DNHD1: variants seen among roughly 807,000 people sequenced by gnomAD.
DNHD1 encodes the protein dynein heavy chain domain 1.
DNHD1 carries 383 observed loss-of-function variants against 458.1 expected under a neutral mutation model. The ratio of observed to expected loss-of-function variants is 0.84; its 90% CI spans 0.77 to 0.91. The LOEUF is 0.91. DNHD1 is among the 40% of genes least tolerant of loss of function. The pLI, the probability that DNHD1 is intolerant of heterozygous loss-of-function variation, is 0.00. For synonymous variants in DNHD1, 2,203 were observed against 2,376.9 expected, an observed-to-expected ratio of 0.93 and a Z score of 2.13; for missense variants, 5,336 against 5,866.1, an observed-to-expected ratio of 0.91 and a Z score of 2.95.
chr11:6,543,981 AAAAAGG>A, intron 18 of DNHD1, 134 bp from the exon 19 acceptor site: 3 of 741,510 alleles, frequency 4.0e-6, no homozygotes, highest in South Asian at 4.0e-5. Context: ...AAAAAAAAAA[AAAAAGG>A]GAAAGAAAAA....
At chr11:6,531,523 T>TAAACAAACAAAC (rs4036627) in intron 12 of DNHD1, among the ~76,000 whole-genome samples, 2 of 151,338 alleles carry the variant, frequency 1.3e-5, no homozygotes, top group African/African-American at 4.9e-5. Flanking sequence ...AGCAGCACCA[T>TAAACAAACAAAC]AAACAAACAA....
chr11:6,567,185 G>A lies in DNHD1; in HGVS notation c.11676G>A (p.Met3892Ile), dbSNP rs368195470. 5.6e-6 allele frequency: 9 copies of A among 1,614,050 alleles called. No individual in the cohort carries two copies. Among genetic ancestry groups the A allele is most frequent in the Non-Finnish European group, 7.6e-6 (9 of 1,179,896 alleles). ...LAVTKQALDSMKPREINHGED... is the reference protein window; with the variant it reads ...LAVTKQALDSIKPREINHGED... The stretch of plus-strand genomic sequence containing the variant: ...TCACTAAGCAGGCTCTGGACAGCAT[G>A]AAGCCACGTGAGATTAATCACGGGG... Residue 3892 changes from methionine (M) to isoleucine (I), a missense_variant, in exon 36 of 43, where the codon ATG (methionine) becomes ATA (isoleucine). Met to Ile is a conservative substitution (Grantham distance 10). This residue lies in a region of DNHD1 where 695 missense variants were observed against 804.2 expected (regional missense o/e 0.86). Coordinates refer to ENST00000254579, the MANE Select transcript of DNHD1 (RefSeq NM_144666.3).
At chr11:6,503,428 CAA>C (rs1852176121) in intron 4 of DNHD1, 1 of 152,394 alleles carries the variant, frequency 6.6e-6, no homozygotes, top group African/African-American at 2.4e-5. Flanking sequence ...CCCCATGACT[CAA>C]GAGACATTTA....
chr11:6,538,544 G>A lies in DNHD1; in HGVS notation c.3126+34G>A, dbSNP rs905470273. On this transcript the variant is annotated intron_variant, in intron 15 of 42. Coordinates refer to ENST00000254579, the MANE Select transcript of DNHD1 (RefSeq NM_144666.3). ...ACCCTTCCTTGGAGCTCTTGACTGG[G>A]AGTGGAGGACTACAGTGGTGGGGGA... 13 of 1,551,588 alleles carry A rather than the reference G, an allele frequency of 8.4e-6. No individual in the cohort carries two copies. In the African/African-American group the frequency reaches 1.6e-4, roughly 20 times the overall value.
At chr11:6,565,578 T>C (rs1589896990) in intron 32 of DNHD1, 117 bp from the exon 33 acceptor site, 1 of 1,153,714 alleles carries the variant, frequency 8.7e-7, no homozygotes, top group Non-Finnish European at 1.2e-6. Context: ...TAAGCAACTT[T>C]CCTAAGATGT....
intron 41 of DNHD1, 22 bp downstream of exon 41, chr11:6,570,418 G>A (rs1432851961): frequency 1.9e-6 from 3 of 1,595,332 alleles, no homozygotes; most frequent in East Asian, 2.3e-5. Context: ...TCAGGTATCT[G>A]TTTTGGGGTA....
chr11:6,533,505 G>C (rs1852875005), intron 13 of DNHD1, among the ~76,000 whole-genome samples, 176 bp from the exon 14 acceptor site: 1 of 152,198 alleles, frequency 6.6e-6, no homozygotes. Context: ...GTCAGAGAGA[G>C]ATTTGATCCC....
Position 6,556,942 on chromosome 11 carries a change from T to C in DNHD1, c.7647T>C (p.Arg2549=). The C allele has an allele frequency of 6.4e-7, 1 of 1,551,702 alleles. No individual in the cohort carries two copies. ...CTATCATTCAGGCTTGGCTTGAGCGTTTCCCTTCTGTGGAACGGGAGCGTG... is the reference window on the plus strand; with the variant it reads ...CTATCATTCAGGCTTGGCTTGAGCGCTTCCCTTCTGTGGAACGGGAGCGTG... The part of the protein sequence containing the change: ...HVPIIQAWLE[R]FPSVERERAL... The change falls in exon 25 of 43, where the codon CGT becomes CGC. Residue 2549 remains arginine, a synonymous_variant. Transcript: ENST00000254579.
Position 6,566,258 on chromosome 11 carries a change from A to G in DNHD1, c.11071A>G (p.Thr3691Ala). ...AAACGLPVLLTNVELGLGCEE... is the reference protein window; with the variant it reads ...AAACGLPVLLANVELGLGCEE... ...TCTCACAGGCCTGCCTGTGTTACTG[A>G]CCAATGTGGAGCTGGGTCTAGGGTG... The change falls in exon 34 of 43, where the codon ACC (threonine) becomes GCC (alanine). Residue 3691 changes from threonine (T) to alanine (A), a missense_variant. By Grantham distance (58) the Thr-to-Ala change is moderately conservative (BLOSUM62 0). Coordinates refer to ENST00000254579, the MANE Select transcript of DNHD1 (RefSeq NM_144666.3). 1 of 1,551,450 alleles carries G rather than the reference A, an allele frequency of 6.4e-7. No homozygotes were observed. Among genetic ancestry groups the G allele is most frequent in the South Asian group, 1.2e-5 (1 of 84,054 alleles).
In DNHD1 at chr11:6,546,408, G is replaced by A; in HGVS notation, c.5469G>A (p.Arg1823=). Reference sequence around the variant, plus strand: ...CTGCCAACCTGCACCTGCTGCTGCGGCCTGTGGCATTGGCATTGCCTGATC... The same window carrying A: ...CTGCCAACCTGCACCTGCTGCTGCGACCTGTGGCATTGGCATTGCCTGATC... ...AVPANLHLLL[R]PVALALPDLR... is the part of the protein sequence containing the mutation. The change falls in exon 21 of 43, where the codon CGG becomes CGA. Residue 1823 remains arginine (R), a synonymous_variant. Transcript: ENST00000254579. The A allele has an allele frequency of 3.2e-6, 5 of 1,552,002 alleles. No homozygotes were observed. Among genetic ancestry groups the A allele is most frequent in the East Asian group, 2.4e-5 (1 of 40,924 alleles).
At position 6,548,254 on chromosome 11, in the gene DNHD1, G is replaced by A. The variant is rs762434658; in HGVS notation, c.6950G>A (p.Arg2317His). 133 of 1,551,600 alleles carry A rather than the reference G, an allele frequency of 8.6e-5. 1 individual carries two copies. In the South Asian group the frequency reaches 1.2e-3, roughly 13 times the overall value. Residue 2317 changes from arginine (R) to histidine (H), a missense_variant, in exon 23 of 43, where the codon CGC becomes CAC. Around this residue, in one of 4 missense-constraint regions of DNHD1, gnomAD observed 3,932 missense variants for 4,365.6 expected, o/e 0.90. Transcript: ENST00000254579. The surrounding 1 kb of genome is among the most constrained non-coding windows in gnomAD (Gnocchi z 4.4). ...ACCTTCATAAGGGATTCTATTAGTC[G>A]CCTCTCCAACTACCCTGAGCCACCA... ...FDTFIRDSIS[R>H]LSNYPEPPPS...
chr11:6,517,339 C>G (rs1490370586), intron 7 of DNHD1, among the ~76,000 whole-genome samples: 1 of 152,172 alleles, frequency 6.6e-6, no homozygotes, highest in Non-Finnish European at 1.5e-5. Context: ...ATAGAACTGT[C>G]ATATGATCCA....
intron 7 of DNHD1, among the ~76,000 whole-genome samples, chr11:6,516,539 C>T (rs2723632): frequency 0.024 from 3,667 of 152,012 alleles, 140 homozygotes; most frequent in African/African-American, 0.083. Flanking sequence ...CTCACGTGAT[C>T]CGCCCACCTC....
chr11:6,552,229 GA>G (rs1290939639), intron 24 of DNHD1, among the ~76,000 whole-genome samples: 10 of 132,200 alleles, frequency 7.6e-5, no homozygotes, highest in East Asian at 6.2e-4. Flanking sequence ...AATTCATAAA[GA>G]AAAGAGGGTT....
intron 10 of DNHD1, among the ~76,000 whole-genome samples, chr11:6,527,708 A>T (rs1364151172): frequency 6.6e-6 from 1 of 152,230 alleles, no homozygotes; most frequent in Non-Finnish European, 1.5e-5. Context: ...TTTCCTAGAG[A>T]GTGAGTACAG....
Position 6,539,966 on chromosome 11 carries a change from A to G in DNHD1, c.3511A>G (p.Asn1171Asp). 6.4e-7 allele frequency: 1 copy of G among 1,551,706 alleles called. No individual in the cohort carries two copies. ...YWEARQLRLL[N>D]FILHVPYEPP... ...GGAAGCGCGCCAGCTGCGCCTGCTC[A>G]ACTTCATCCTGCATGTACCCTACGA... Residue 1171 changes from asparagine to aspartate, a missense_variant, in exon 18 of 43, where the codon AAC becomes GAC. Physicochemically the swap from Asn to Asp is conservative, Grantham distance 23. Coordinates refer to ENST00000254579, the MANE Select transcript of DNHD1 (RefSeq NM_144666.3).
At chr11:6,534,313 T>C in intron 14 of DNHD1, 140 bp downstream of exon 14, 1 of 899,872 alleles carries the variant, frequency 1.1e-6, no homozygotes, top group Non-Finnish European at 1.6e-6. Context: ...GTGTCTTTTA[T>C]AAATGAAAAT....
rs1179981841 is a variant in DNHD1, at chr11:6,545,653, A to G, written c.4714A>G (p.Ser1572Gly). ...LPSVRQTSLL[S>G]ALLVMAVTHR... The stretch of plus-strand genomic sequence containing the variant: ...TTCTGTCCGCCAGACCAGCCTTCTC[A>G]GTGCCCTGCTGGTCATGGCAGTGAC... The change falls in exon 21 of 43, where the codon AGT becomes GGT. Residue 1572 changes from serine (S) to glycine (G), a missense_variant. By Grantham distance (56) the Ser-to-Gly change is moderately conservative (BLOSUM62 0). Coordinates refer to ENST00000254579, the MANE Select transcript of DNHD1 (RefSeq NM_144666.3). The surrounding 1 kb of genome is among the most constrained non-coding windows in gnomAD (Gnocchi z 4.9). 2.6e-6 allele frequency: 4 copies of G among 1,551,762 alleles called. No individual in the cohort carries two copies. Among genetic ancestry groups the G allele is most frequent in the African/African-American group, 2.7e-5 (2 of 73,176 alleles).
At chr11:6,499,944 C>T (rs1044402146) in intron 3 of DNHD1, among the ~76,000 whole-genome samples, 8 of 146,472 alleles carry the variant, frequency 5.5e-5, no homozygotes, top group African/African-American at 1.8e-4. Flanking sequence ...ACCTTCTCTT[C>T]TCAGCGTTCT....
Sources: allele counts gnomAD v4.1 joint callset (sites outside exome capture counted in the v4.1 genomes callset), GRCh38; gene constraint gnomAD v4.1.1; regional missense constraint gnomAD v4.1.1; non-coding constraint Gnocchi (gnomAD v3.1); transcripts MANE v1.5; gene names NCBI Gene and HGNC (gene_info 2026-07-23, HGNC 2026-07-21).